PRSS23: variants seen among roughly 807,000 people sequenced by gnomAD.
PRSS23 encodes serine protease 23.
PRSS23 carries 25 observed loss-of-function variants against 34.7 expected under a neutral mutation model. The observed-to-expected ratio is 0.72, with a 90% CI of 0.53 to 1.01. The LOEUF (loss-of-function observed/expected upper bound fraction) is 1.01. Ranked by LOEUF, PRSS23 falls within the 50% of genes least tolerant of loss-of-function variation. The probability of loss-of-function intolerance (pLI) is 0.00; values close to 1 mark genes in which losing one functional copy is unlikely to be tolerated. For synonymous variants in PRSS23, 176 were observed against 186.6 expected (o/e 0.94, Z 0.46); for missense variants, 445 against 475.6 (o/e 0.94, Z 0.60).
chr11:86,846,220 A>T (rs998429980), intron 2 of PRSS23, among the ~76,000 whole-genome samples: 9 of 152,108 alleles, frequency 5.9e-5, no homozygotes, highest in African/African-American at 9.7e-5. Context: ...GCTAGGCAAG[A>T]ACCTTAGGTG....
In PRSS23 at chr11:86,804,602, T is replaced by C. The variant is rs73520718; in HGVS notation, c.-13-3029T>C. On this transcript the variant is annotated intron_variant, in intron 1 of 1. Transcript: ENST00000280258. ...GGGTTAGCAGTTTGTTTTTTTCTTA[T>C]AGATGGCTGGCTTCTCCTTCACTCC... 1.7e-3 allele frequency among the ~76,000 whole-genome samples: 258 copies of C among 152,346 alleles called. 1 individual carries two copies. Among genetic ancestry groups the C allele is most frequent in the African/African-American group, 6.1e-3 (252 of 41,588 alleles).
intron 2 of PRSS23, among the ~76,000 whole-genome samples, chr11:86,882,971 T>G (rs1278792560): frequency 6.6e-6 from 1 of 152,252 alleles, no homozygotes; most frequent in Non-Finnish European, 1.5e-5. Context: ...CAGCTTTTTT[T>G]CATACACTTT....
rs576597193 is a variant in PRSS23 at position 86,873,521 on chromosome 11, G to A, written c.206+49928G>A. Among the ~76,000 whole-genome samples, 56 of 151,794 alleles carry A rather than the reference G, an allele frequency of 3.7e-4. 1 individual carries two copies. The highest frequency in any genetic ancestry group is 1.4e-3 in the African/African-American group (56 of 41,392). On this transcript the variant is annotated intron_variant, in intron 2 of 2. Transcript: ENST00000533902. Reference sequence around the variant, plus strand: ...TGGTCTCGAACTCCTGAACTCAAGCGATCCTCCCACCTCAGCCTCCCAAAG... The same window carrying A: ...TGGTCTCGAACTCCTGAACTCAAGCAATCCTCCCACCTCAGCCTCCCAAAG...
chr11:86,849,939 A>G (rs1294411481), intron 2 of PRSS23, among the ~76,000 whole-genome samples: 1 of 151,046 alleles, frequency 6.6e-6, no homozygotes, highest in African/African-American at 2.5e-5. Context: ...GGAGGAACCT[A>G]CCTCTTAGAG....
intron 2 of PRSS23, among the ~76,000 whole-genome samples, chr11:86,927,367 A>G (rs1294708322): frequency 2.6e-5 from 4 of 152,222 alleles, no homozygotes; most frequent in Non-Finnish European, 5.9e-5. Context: ...TGTTCCTAAC[A>G]CAGTTATAAG....
chr11:86,880,989 A>G (rs1018081955), intron 2 of PRSS23, among the ~76,000 whole-genome samples: 2 of 152,224 alleles, frequency 1.3e-5, no homozygotes, highest in Non-Finnish European at 2.9e-5. Context: ...ATCCATTAAC[A>G]GAGACAGTTT....
intron 2 of PRSS23, among the ~76,000 whole-genome samples, chr11:86,920,841 C>T (rs1403767465): frequency 6.6e-6 from 1 of 152,206 alleles, no homozygotes; most frequent in Non-Finnish European, 1.5e-5. Flanking sequence ...AACGACCTAG[C>T]CTGGGTAGAA....
At chr11:86,944,717 T>C (rs1170544835) in intron 2 of PRSS23, among the ~76,000 whole-genome samples, 5 of 152,240 alleles carry the variant, frequency 3.3e-5, no homozygotes. Context: ...TGACTTTCCT[T>C]AACTTCGTAA....
intron 2 of PRSS23, among the ~76,000 whole-genome samples, chr11:86,873,095 G>GGTCTATCC (rs1948695712): frequency 1.3e-5 from 2 of 151,680 alleles, no homozygotes; most frequent in African/African-American, 4.9e-5. Flanking sequence ...ACCCACCTAT[G>GGTCTATCC]ATATTGTCTA....
upstream of PRSS23, among the ~76,000 whole-genome samples, chr11:86,796,491 A>G (rs1947981574): frequency 6.6e-6 from 1 of 151,480 alleles, no homozygotes; most frequent in African/African-American, 2.4e-5. Flanking sequence ...AATACAAAAA[A>G]TTAGCCGGGC....
chr11:86,867,664 G>C (rs1176093767), intron 2 of PRSS23, among the ~76,000 whole-genome samples: 4 of 152,124 alleles, frequency 2.6e-5, no homozygotes, highest in African/African-American at 9.7e-5. Flanking sequence ...AGAATTGCTT[G>C]AGCCCAGGAG....
At chr11:86,839,841 C>T (rs1003026667) in intron 2 of PRSS23, among the ~76,000 whole-genome samples, 1 of 149,932 alleles carries the variant, frequency 6.7e-6, no homozygotes, top group African/African-American at 2.5e-5. Flanking sequence ...ATCTCGTATG[C>T]AGCCAAACTA....
chr11:86,824,616 C>T (rs1387167842), intron 2 of PRSS23, among the ~76,000 whole-genome samples: 1 of 139,896 alleles, frequency 7.1e-6, no homozygotes, highest in Non-Finnish European at 1.5e-5. Context: ...TCTCCTAAAG[C>T]TATCCCTCCC....
intron 1 of PRSS23, among the ~76,000 whole-genome samples, chr11:86,822,578 G>A (rs867234995): frequency 4.1e-5 from 6 of 147,806 alleles, no homozygotes; most frequent in South Asian, 2.1e-4. Context: ...CTGTGATCAC[G>A]CCACTGCACT....
At chr11:86,870,415 T>C (rs1948677573) in intron 2 of PRSS23, among the ~76,000 whole-genome samples, 1 of 152,200 alleles carries the variant, frequency 6.6e-6, no homozygotes, top group African/African-American at 2.4e-5. Context: ...CTATTTCCTT[T>C]TATCAGCCCA....
At chr11:86,840,432 A>G (rs569160575) in intron 2 of PRSS23, among the ~76,000 whole-genome samples, 4 of 152,346 alleles carry the variant, frequency 2.6e-5, no homozygotes, top group East Asian at 3.9e-4. Flanking sequence ...CTAAATATAT[A>G]TGCACCCAAT....
intron 2 of PRSS23, among the ~76,000 whole-genome samples, chr11:86,903,274 C>A (rs1948922342): frequency 1.3e-5 from 2 of 152,048 alleles, no homozygotes; most frequent in South Asian, 4.1e-4. Flanking sequence ...TGATATCCAG[C>A]AAAATATAAA....
downstream of PRSS23, among the ~76,000 whole-genome samples, chr11:86,815,151 C>T (rs573610171): frequency 3.3e-5 from 5 of 152,250 alleles, no homozygotes; most frequent in South Asian, 4.1e-4. Context: ...AAGCAGCAGC[C>T]GTGGGAACAG....
rs931547272 is a variant in PRSS23, at chr11:86,800,591, G to A, written c.-74G>A. On this transcript the variant is annotated 5_prime_UTR_variant, in exon 1 of 2. Coordinates refer to ENST00000280258, the MANE Select transcript of PRSS23 (RefSeq NM_007173.6). ...GCATGGGAGCCGCGCGCTCTCTCCCGGCGCCCACACCTGTCTGAGCGGCGC... is the reference window on the plus strand; with the variant it reads ...GCATGGGAGCCGCGCGCTCTCTCCCAGCGCCCACACCTGTCTGAGCGGCGC... The A allele has an allele frequency of 5.1e-6, 5 of 984,946 alleles. No homozygotes were observed. The highest frequency in any genetic ancestry group is 6.0e-6 in the Non-Finnish European group (5 of 829,840). The allele number at this position is 984,946 out of a possible 1,614,324, so 61.0% of individuals were successfully genotyped here. A position where few individuals can be genotyped will look rare whatever the true frequency, so the allele number is the denominator to read the frequency against.
Sources: allele counts gnomAD v4.1 joint callset (sites outside exome capture counted in the v4.1 genomes callset), GRCh38; gene constraint gnomAD v4.1.1; transcripts MANE v1.5; gene names NCBI Gene and HGNC (gene_info 2026-07-23, HGNC 2026-07-21).